PLCB1: variants seen among roughly 807,000 people sequenced by gnomAD.
The protein encoded by PLCB1 is 1-phosphatidylinositol 4,5-bisphosphate phosphodiesterase beta-1.
In PLCB1, 46 loss-of-function variants were observed where a neutral mutation model predicts 161.8. That is an observed-to-expected ratio of 0.28 (90% confidence interval 0.22 to 0.36). The LOEUF is 0.36. PLCB1 is among the 10% of genes least tolerant of loss of function. The pLI, the probability that PLCB1 is intolerant of heterozygous loss-of-function variation, is 1.00. For missense variants in PLCB1, 1,016 were observed against 1,472.5 expected, an observed-to-expected ratio of 0.69 and a Z score of 5.07; for synonymous variants, 517 against 503.7, an observed-to-expected ratio of 1.03 and a Z score of -0.35.
intron 2 of PLCB1, among the ~76,000 whole-genome samples, chr20:8,216,835 T>C (rs1253222982): frequency 6.6e-6 from 1 of 152,134 alleles, no homozygotes; most frequent in Admixed American, 6.6e-5. Context: ...TACATGGAGC[T>C]CTAAGTCTAT....
At chr20:8,561,722 G>A (rs928245002) in intron 3 of PLCB1, among the ~76,000 whole-genome samples, 1 of 152,008 alleles carries the variant, frequency 6.6e-6, no homozygotes, top group Non-Finnish European at 1.5e-5. Flanking sequence ...GATGCAATTA[G>A]AAAGTGGAAT....
At chr20:8,294,740 A>G (rs1306054539) in intron 2 of PLCB1, among the ~76,000 whole-genome samples, 1 of 151,622 alleles carries the variant, frequency 6.6e-6, no homozygotes, top group East Asian at 2.0e-4. Context: ...ACAATCCTGT[A>G]CAATTAGACA....
At chr20:8,685,235 C>T (rs1464672617) in intron 10 of PLCB1, among the ~76,000 whole-genome samples, 157 bp downstream of exon 10, 1 of 152,162 alleles carries the variant, frequency 6.6e-6, no homozygotes, top group African/African-American at 2.4e-5. Flanking sequence ...TCCCGCCTCC[C>T]ATAAGCAGTC....
chr20:8,621,331 TG>T (rs1194261222), intron 3 of PLCB1, among the ~76,000 whole-genome samples: 1 of 152,260 alleles, frequency 6.6e-6, no homozygotes, highest in East Asian at 1.9e-4. Context: ...TCAAAAAGAC[TG>T]GGGGGATAGT....
At chr20:8,559,596 A>G (rs1986077474) in intron 3 of PLCB1, among the ~76,000 whole-genome samples, 2 of 151,988 alleles carry the variant, frequency 1.3e-5, no homozygotes, top group South Asian at 2.1e-4. Flanking sequence ...CAAAGATACA[A>G]ACAGGTTGAA....
chr20:8,823,977 G>A (rs1391180001), intron 31 of PLCB1, among the ~76,000 whole-genome samples: 1 of 151,576 alleles, frequency 6.6e-6, no homozygotes, highest in African/African-American at 2.4e-5. Flanking sequence ...CATCTCACAG[G>A]GTTGGCAATG....
At chr20:8,493,576 C>T (rs1983034031) in intron 3 of PLCB1, among the ~76,000 whole-genome samples, 1 of 152,222 alleles carries the variant, frequency 6.6e-6, no homozygotes, top group Non-Finnish European at 1.5e-5. Flanking sequence ...TCCATTCTAA[C>T]TTTATGAGAT....
rs371143702 is a variant in PLCB1 at position 8,268,018 on chromosome 20, C to T, written c.178-103364C>T. Among the ~76,000 whole-genome samples, 37 of 151,694 alleles carry T rather than the reference C, an allele frequency of 2.4e-4. 1 individual carries two copies. In the South Asian group the frequency reaches 7.3e-3, roughly 30 times the overall value. On this transcript the variant is annotated intron_variant, in intron 2 of 31. Coordinates refer to ENST00000338037, the MANE Select transcript of PLCB1 (RefSeq NM_015192.4). ...TTCTAGGGTACATGTGCACAACGTGCAGGTTTGTTACATATGTATACATGT... is the reference window on the plus strand; with the variant it reads ...TTCTAGGGTACATGTGCACAACGTGTAGGTTTGTTACATATGTATACATGT...
intron 3 of PLCB1, among the ~76,000 whole-genome samples, chr20:8,557,008 AAATAAAAT>A (rs1485396692): frequency 7.9e-6 from 1 of 127,194 alleles, no homozygotes; most frequent in African/African-American, 3.7e-5. Flanking sequence ...ATAAATAAAT[AAATAAAAT>A]AAATAAAAAA....
At chr20:8,257,329 G>C (rs1981479644) in intron 2 of PLCB1, among the ~76,000 whole-genome samples, 1 of 151,948 alleles carries the variant, frequency 6.6e-6, no homozygotes, top group Non-Finnish European at 1.5e-5. Flanking sequence ...TACAAAATTA[G>C]AGAAAATGAA....
chr20:8,229,105 G>C (rs1979866336), intron 2 of PLCB1, among the ~76,000 whole-genome samples: 1 of 151,914 alleles, frequency 6.6e-6, no homozygotes, highest in African/African-American at 2.4e-5. Context: ...ATCAATGTTT[G>C]TAGCTTCCGT....
chr20:8,760,763 C>G (rs1156528972), intron 25 of PLCB1, among the ~76,000 whole-genome samples: 3 of 152,166 alleles, frequency 2.0e-5, no homozygotes, highest in African/African-American at 7.2e-5. Flanking sequence ...ACAAGAATGC[C>G]TGTCTTCCCA....
At chr20:8,548,394 C>T (rs895111499) in intron 3 of PLCB1, among the ~76,000 whole-genome samples, 2 of 142,796 alleles carry the variant, frequency 1.4e-5, no homozygotes, top group South Asian at 4.6e-4. Context: ...CCTTCCCTTC[C>T]CTTCCCCTCC....
intron 2 of PLCB1, among the ~76,000 whole-genome samples, chr20:8,294,938 A>C (rs1983563403): frequency 6.6e-6 from 1 of 152,158 alleles, no homozygotes; most frequent in Non-Finnish European, 1.5e-5. Context: ...CTGTGGTAAA[A>C]AATGAATGAA....
At chr20:8,660,163 G>C (rs539987966) in intron 9 of PLCB1, among the ~76,000 whole-genome samples, 1 of 152,024 alleles carries the variant, frequency 6.6e-6, no homozygotes, top group Non-Finnish European at 1.5e-5. Context: ...CACTGATGCT[G>C]TGAAGGTGAG....
intron 29 of PLCB1, among the ~76,000 whole-genome samples, 178 bp from the exon 30 acceptor site, chr20:8,789,340 C>A (rs1311052752): frequency 2.0e-5 from 3 of 152,172 alleles, no homozygotes; most frequent in Non-Finnish European, 2.9e-5. Flanking sequence ...GATGGTGCCA[C>A]TGCACTCTAC....
intron 2 of PLCB1, among the ~76,000 whole-genome samples, chr20:8,224,880 G>A (rs1263575032): frequency 2.0e-5 from 3 of 152,034 alleles, no homozygotes; most frequent in Admixed American, 2.0e-4. Context: ...CATATACACG[G>A]AATCACAGTG....
chr20:8,229,930 C>T (rs901699209), intron 2 of PLCB1, among the ~76,000 whole-genome samples: 9 of 150,132 alleles, frequency 6.0e-5, no homozygotes, highest in African/African-American at 1.7e-4. Flanking sequence ...GGGACACACA[C>T]TTGTAGTCCC....
At chr20:8,163,962 C>T (rs1490304858) in intron 2 of PLCB1, among the ~76,000 whole-genome samples, 1 of 152,130 alleles carries the variant, frequency 6.6e-6, no homozygotes, top group East Asian at 1.9e-4. Flanking sequence ...GGCATAAAGA[C>T]TAGATTTTTA....
Sources: gnomAD v4.1 joint callset for allele counts (sites outside exome capture counted in the v4.1 genomes callset) on GRCh38, gnomAD v4.1.1 for gene constraint, MANE v1.5 for transcripts, NCBI Gene and HGNC (gene_info 2026-07-23, HGNC 2026-07-21) for gene names.